HLTF: variants seen among roughly 807,000 people sequenced by gnomAD.
HLTF encodes the protein helicase like transcription factor.
In HLTF, 127 loss-of-function variants were observed where a neutral mutation model predicts 129.4. That is an observed-to-expected ratio of 0.98 (90% CI 0.85 to 1.14). The LOEUF (loss-of-function observed/expected upper bound fraction) is 1.14. Among genes scored for constraint, HLTF ranks in the 50% most tolerant of loss-of-function variants. The pLI is 0.00. For synonymous variants in HLTF, 332 were observed against 388.8 expected (o/e 0.85, Z 1.72); for missense variants, 1,139 against 1,187.1 (o/e 0.96, Z 0.60).
In HLTF at chr3:149,058,415, G is replaced by C. The variant is rs553652617; in HGVS notation, c.1375+1303C>G. Among the ~76,000 whole-genome samples the C allele has an allele frequency of 4.6e-5, 7 of 152,160 alleles. No individual in the cohort carries two copies. The South Asian group carries it at 1.2e-3, about 27-fold the overall frequency. On this transcript the variant is annotated intron_variant, in intron 13 of 24. Transcript: ENST00000310053. ...ATTCTGAATCAGCATATTTTTTCCA[G>C]TGTTAACTGGTTATTTGGGTTTTCT...
intron 2 of HLTF, among the ~76,000 whole-genome samples, chr3:149,081,549 AAAT>A (rs1719875998): frequency 6.6e-6 from 1 of 152,184 alleles, no homozygotes; most frequent in African/African-American, 2.4e-5. Context: ...CCTTGAAAAG[AAAT>A]AATGTCATAG....
At chr3:149,042,324 G>A (rs368412837) in intron 18 of HLTF, 34 bp from the exon 19 acceptor site, 23 of 1,551,576 alleles carry the variant, frequency 1.5e-5, no homozygotes, top group Admixed American at 1.1e-4. Context: ...TATTAAGTCC[G>A]CTAAACAATA....
intron 13 of HLTF, 45 bp from the exon 14 acceptor site, chr3:149,055,445 A>AAT: frequency 8.0e-7 from 1 of 1,252,500 alleles, no homozygotes. Flanking sequence ...GTTTTTCTGA[A>AAT]ATATATATGT....
intron 2 of HLTF, among the ~76,000 whole-genome samples, chr3:149,076,673 C>T (rs1719381747): frequency 6.6e-6 from 1 of 152,124 alleles, no homozygotes; most frequent in Admixed American, 6.6e-5. Flanking sequence ...CATTCTGATT[C>T]TACTTTATTA....
rs1327286883 is a variant in HLTF, at chr3:149,032,023, A to G, written c.*197T>C. On this transcript the variant is annotated 3_prime_UTR_variant, in exon 25 of 25. Transcript: ENST00000310053. ...TATTTCAGGCCACAGTATATAACGG[A>G]ACTTATTGCTATTTGAAGTTTCATT... 1 of 401,986 alleles carries G rather than the reference A, an allele frequency of 2.5e-6. No homozygotes were observed. The highest frequency in any genetic ancestry group is 4.4e-6 in the Non-Finnish European group (1 of 229,570). The allele number at this position is 401,986 out of a possible 1,614,324, so 24.9% of individuals were successfully genotyped here. A position where few individuals can be genotyped will look rare whatever the true frequency, so the allele number is the denominator to read the frequency against.
intron 24 of HLTF, among the ~76,000 whole-genome samples, chr3:149,034,067 G>GA (rs902913507): frequency 3.3e-5 from 5 of 151,988 alleles, no homozygotes; most frequent in African/African-American, 1.2e-4. Context: ...ATAATTCACA[G>GA]AAAAAATGTT....
At chr3:149,081,814 T>C (rs528689206) in intron 2 of HLTF, among the ~76,000 whole-genome samples, 1 of 152,154 alleles carries the variant, frequency 6.6e-6, no homozygotes, top group Non-Finnish European at 1.5e-5. Context: ...AAAGAGTAAC[T>C]AGAACCAAGG....
Position 149,086,454 on chromosome 3 carries a change from C to T in HLTF, c.-118G>A, listed in dbSNP as rs980714470. ...GAAGCCGGGGACAAATTCCGAGCGCCGGATCAGGAGCGCACGACTGAAAGG... is the reference window on the plus strand; with the variant it reads ...GAAGCCGGGGACAAATTCCGAGCGCTGGATCAGGAGCGCACGACTGAAAGG... On this transcript the variant is annotated 5_prime_UTR_variant, in exon 1 of 25. Transcript: ENST00000310053. The T allele has an allele frequency of 3.3e-6, 4 of 1,229,392 alleles. No homozygotes were observed. The South Asian group carries it at 4.0e-5, about 12-fold the overall frequency. 76.2% of individuals were successfully genotyped at this position (1,229,392 alleles called of 1,614,324 possible). A position where few individuals can be genotyped will look rare whatever the true frequency, so the allele number is the denominator to read the frequency against.
At position 149,086,495 on chromosome 3, in the gene HLTF, C is replaced by G; in HGVS notation, c.-159G>C. 2.7e-6 allele frequency: 2 copies of G among 729,100 alleles called. No individual in the cohort carries two copies. The highest frequency in any genetic ancestry group is 3.6e-5 in the South Asian group (2 of 56,270). 45.2% of individuals were successfully genotyped at this position (729,100 alleles called of 1,614,324 possible). A position where few individuals can be genotyped will look rare whatever the true frequency, so the allele number is the denominator to read the frequency against. Reference sequence around the variant, plus strand: ...GACTGAAAGGTAAGTCGCCGCGAGTCCAGTCAGACGTCGACGCCGTCTCCT... The same window carrying G: ...GACTGAAAGGTAAGTCGCCGCGAGTGCAGTCAGACGTCGACGCCGTCTCCT... On this transcript the variant is annotated 5_prime_UTR_variant, in exon 1 of 25. Coordinates refer to ENST00000310053, the MANE Select transcript of HLTF (RefSeq NM_003071.4).
chr3:149,055,891 G>T (rs933954212), intron 13 of HLTF, among the ~76,000 whole-genome samples: 6 of 152,106 alleles, frequency 3.9e-5, no homozygotes, highest in African/African-American at 1.4e-4. Flanking sequence ...TTCCGTATTG[G>T]GTGTGCAAGC....
At chr3:149,065,343 T>C (rs977168590) in intron 8 of HLTF, among the ~76,000 whole-genome samples, 12 of 152,224 alleles carry the variant, frequency 7.9e-5, no homozygotes, top group African/African-American at 2.4e-4. Context: ...CCTCTCTTCT[T>C]ACTCCATGGG....
intron 24 of HLTF, among the ~76,000 whole-genome samples, chr3:149,032,957 C>CAAAAAAAAA (rs67952189): frequency 3.0e-5 from 2 of 67,688 alleles, no homozygotes; most frequent in Non-Finnish European, 5.9e-5. Context: ...AGCGACGTCT[C>CAAAAAAAAA]AAAAAAAAAA....
In HLTF at chr3:149,042,155, A is replaced by T. The variant is rs367673340; in HGVS notation, c.2197+11T>A. ...CAAATACAATGATATGAAGCAATCA[A>T]ATTTACCTACCTGAGGGGCCATTGG... is the stretch of plus-strand genomic sequence containing the variant. On this transcript the variant is annotated intron_variant, in intron 19 of 24. Coordinates refer to ENST00000310053, the MANE Select transcript of HLTF (RefSeq NM_003071.4). The T allele has an allele frequency of 1.4e-5, 22 of 1,611,742 alleles. No individual in the cohort carries two copies. The African/African-American group carries it at 2.7e-4, about 20-fold the overall frequency.
rs183498510 is a variant in HLTF, at chr3:149,057,507, T to G, written c.1376-2107A>C. Among the ~76,000 whole-genome samples the G allele has an allele frequency of 1.3e-3, 191 of 152,336 alleles. 1 individual carries two copies. Among genetic ancestry groups the G allele is most frequent in the African/African-American group, 4.3e-3 (177 of 41,576 alleles). On this transcript the variant is annotated intron_variant, in intron 13 of 24. Coordinates refer to ENST00000310053, the MANE Select transcript of HLTF (RefSeq NM_003071.4). ...ATATGGAAGGCCAACTTTTCATATA[T>G]ACTCGTCCTGCAGGGCAGACTGTGG...
intron 8 of HLTF, among the ~76,000 whole-genome samples, chr3:149,066,346 T>C (rs986252916): frequency 1.3e-5 from 2 of 152,114 alleles, no homozygotes; most frequent in African/African-American, 4.8e-5. Context: ...ATGCCCAGCT[T>C]TGCATTATTC....
chr3:149,086,437 G>A lies in HLTF; in HGVS notation c.-101C>T, dbSNP rs968464628. 2.1e-6 allele frequency: 3 copies of A among 1,408,392 alleles called. No homozygotes were observed. The highest frequency in any genetic ancestry group is 4.2e-5 in the Admixed American group (2 of 47,466). The allele number at this position is 1,408,392 out of a possible 1,614,324, so 87.2% of individuals were successfully genotyped here. ...CCAGGCCCCGCAGCCCTGAAGCCGG[G>A]GACAAATTCCGAGCGCCGGATCAGG... On this transcript the variant is annotated 5_prime_UTR_variant, in exon 1 of 25. Transcript: ENST00000310053.
Position 149,060,647 on chromosome 3 carries a change from C to T in HLTF, c.1281G>A (p.Ala427=), listed in dbSNP as rs781356927. The change falls in exon 12 of 25, where the codon GCG becomes GCA. Residue 427 remains alanine, a synonymous_variant. Coordinates refer to ENST00000310053, the MANE Select transcript of HLTF (RefSeq NM_003071.4). ...GGGTATATAGTATACACATACCTTT[C>T]GCCCTGCCTTTAGTTTCAGACTGTA... ...KNVQSETKGR[A]KAGSSKVIED... is the part of the protein sequence containing the mutation. The T allele has an allele frequency of 7.5e-6, 12 of 1,610,700 alleles. No homozygotes were observed. Among genetic ancestry groups the T allele is most frequent in the Middle Eastern group, 1.7e-4 (1 of 5,874 alleles).
rs1193515883 is a variant in HLTF at position 149,032,975 on chromosome 3, AAAC to A, written c.2878-606_2878-604del. Among the ~76,000 whole-genome samples, 56 of 142,280 alleles carry A rather than the reference AAAC, an allele frequency of 3.9e-4. 1 individual carries two copies. Among genetic ancestry groups the A allele is most frequent in the Admixed American group, 2.2e-3 (31 of 14,234 alleles). The allele number at this position is 142,280 out of a possible 152,430, so 93.3% of individuals were successfully genotyped here. On this transcript the variant is annotated intron_variant, in intron 24 of 24. Coordinates refer to ENST00000310053, the MANE Select transcript of HLTF (RefSeq NM_003071.4). Reference sequence around the variant, plus strand: ...GACGTCTCAAAAAAAAAAAAAAAAAAAACAAAAAACTATTCCCAGAAATTCAAG... The same window carrying A: ...GACGTCTCAAAAAAAAAAAAAAAAAAAAAAAACTATTCCCAGAAATTCAAG...
Position 149,050,338 on chromosome 3 carries a change from A to C in HLTF, c.1511T>G (p.Leu504Trp). 6.3e-7 allele frequency: 1 copy of C among 1,595,952 alleles called. No homozygotes were observed. The highest frequency in any genetic ancestry group is 8.6e-7 in the Non-Finnish European group (1 of 1,167,904). The change falls in exon 15 of 25, where the codon TTG becomes TGG. Residue 504 changes from leucine (L) to tryptophan (W), a missense_variant. By Grantham distance (61) the Leu-to-Trp change is moderately conservative. Transcript: ENST00000310053. ...FGQHIKSDVH[L>W]NFYVYYGPDR... ...AGGACCATAATAAACATAAAAATTCAAGTGTACATCTGATTTTATATGTTG... is the reference window on the plus strand; with the variant it reads ...AGGACCATAATAAACATAAAAATTCCAGTGTACATCTGATTTTATATGTTG...
Sources: allele counts gnomAD v4.1 joint callset (sites outside exome capture counted in the v4.1 genomes callset), GRCh38; gene constraint gnomAD v4.1.1; transcripts MANE v1.5; gene names NCBI Gene and HGNC (gene_info 2026-07-23, HGNC 2026-07-21).